The following SUN3 variants were observed in gnomAD, a reference collection of about 807,000 sequenced individuals.
The protein encoded by SUN3 is Sad1 and UNC84 domain containing 3, also known as SUN domain-containing protein 3.
A neutral mutation model predicts 48.2 loss-of-function variants in SUN3; 36 were observed. The observed-to-expected ratio is 0.75, with a 90% CI of 0.57 to 0.99. SUN3 has a LOEUF of 0.99. Among genes scored for constraint, SUN3 ranks in the 50% least tolerant of loss-of-function variants. SUN3 has a pLI of 0.00. For missense variants in SUN3, 419 were observed against 433.1 expected (o/e 0.97, Z 0.29); for synonymous variants, 148 against 147.9 (o/e 1.00, Z 0.00).
At chr7:48,010,156 G>A (rs1001095416) in intron 3 of SUN3, among the ~76,000 whole-genome samples, 1 of 152,028 alleles carries the variant, frequency 6.6e-6, no homozygotes, top group African/African-American at 2.4e-5. Flanking sequence ...ATGCTCATAG[G>A]CACACATGCA....
chr7:48,007,396 T>C, intron 4 of SUN3, 69 bp from the exon 5 acceptor site: 1 of 1,462,860 alleles, frequency 6.8e-7, no homozygotes, highest in Non-Finnish European at 9.4e-7. Context: ...GTTGCTGGGC[T>C]CCACCCGCCA....
chr7:48,017,521 C>T (rs373890099), intron 2 of SUN3, among the ~76,000 whole-genome samples, 156 bp from the exon 3 acceptor site: 2 of 152,202 alleles, frequency 1.3e-5, no homozygotes, highest in East Asian at 1.9e-4. Flanking sequence ...TGGAATAGTA[C>T]ACACAAAAAA....
intron 7 of SUN3, among the ~76,000 whole-genome samples, chr7:47,995,579 G>A (rs1789188510): frequency 1.3e-5 from 2 of 152,266 alleles, no homozygotes; most frequent in African/African-American, 4.8e-5. Context: ...AAGTTTGGTG[G>A]GGATCTTACT....
chr7:48,008,817 C>T (rs992625759), intron 4 of SUN3, among the ~76,000 whole-genome samples: 1 of 152,008 alleles, frequency 6.6e-6, no homozygotes, highest in South Asian at 2.1e-4. Flanking sequence ...TTTTCTATCT[C>T]CTTTTTTTCT....
intron 6 of SUN3, among the ~76,000 whole-genome samples, chr7:48,003,157 C>T (rs1458404993): frequency 5.3e-5 from 8 of 152,238 alleles, no homozygotes; most frequent in African/African-American, 1.9e-4. Flanking sequence ...TATTCCAGCA[C>T]CATTTATTGA....
chr7:47,998,106 A>T (rs1299435815), intron 6 of SUN3, among the ~76,000 whole-genome samples: 1 of 152,242 alleles, frequency 6.6e-6, no homozygotes, highest in Admixed American at 6.5e-5. Context: ...TGGGATTGCT[A>T]GGTCAATAAG....
At chr7:48,015,346 C>T (rs972725570) in intron 3 of SUN3, among the ~76,000 whole-genome samples, 4 of 152,206 alleles carry the variant, frequency 2.6e-5, no homozygotes, top group African/African-American at 9.6e-5. Flanking sequence ...CACAGATTCT[C>T]AGCATATGCA....
In SUN3 at chr7:48,020,280, T is replaced by TA. The variant is rs200299512; in HGVS notation, c.185-2916dup. On this transcript the variant is annotated intron_variant, in intron 2 of 9. Coordinates refer to ENST00000297325, the MANE Select transcript of SUN3 (RefSeq NM_001030019.2). Reference sequence around the variant, plus strand: ...CAACATCTCTCCATGATAAAAACCCTAAAAAAAACTGGGTATAGAAGGAAC... The same window carrying TA: ...CAACATCTCTCCATGATAAAAACCCTAAAAAAAAACTGGGTATAGAAGGAAC... 9.0e-3 allele frequency among the ~76,000 whole-genome samples: 1,372 copies of TA among 151,702 alleles called. 10 individuals are homozygous for TA. Among genetic ancestry groups the TA allele is most frequent in the Non-Finnish European group, 0.016 (1,076 of 67,852 alleles).
rs1428018510 is a variant in SUN3, at chr7:47,993,207, T to C, written c.861+1108A>G. On this transcript the variant is annotated intron_variant, in intron 8 of 9. Coordinates refer to ENST00000297325, the MANE Select transcript of SUN3 (RefSeq NM_001030019.2). ...TGTTCACATAGTCACTGTGAAAACA[T>C]TGAGTATTGCTTGAACAAAAAGATA... 3.3e-5 allele frequency among the ~76,000 whole-genome samples: 5 copies of C among 152,300 alleles called. No homozygotes were observed. The South Asian group carries it at 8.3e-4, about 25-fold the overall frequency.
chr7:48,024,741 T>TGAGAGAGGGAGC, intron 2 of SUN3, among the ~76,000 whole-genome samples: 1 of 152,116 alleles, frequency 6.6e-6, no homozygotes, highest in Admixed American at 6.5e-5. Flanking sequence ...GATCACATGG[T>TGAGAGAGGGAGC]GAGAGAGGGA....
intron 9 of SUN3, among the ~76,000 whole-genome samples, 182 bp downstream of exon 9, chr7:47,988,606 T>C (rs182382125): frequency 4.6e-5 from 7 of 152,360 alleles, no homozygotes; most frequent in African/African-American, 1.7e-4. Flanking sequence ...CTTTTGCATT[T>C]GTCTGTCTTT....
At chr7:48,003,554 C>T (rs1483309444) in intron 6 of SUN3, among the ~76,000 whole-genome samples, 1 of 152,110 alleles carries the variant, frequency 6.6e-6, no homozygotes, top group East Asian at 1.9e-4. Flanking sequence ...AGATGTTTTT[C>T]CATTTGTTTA....
At chr7:47,990,192 T>C (rs1037369819) in intron 8 of SUN3, among the ~76,000 whole-genome samples, 1 of 152,184 alleles carries the variant, frequency 6.6e-6, no homozygotes, top group Non-Finnish European at 1.5e-5. Flanking sequence ...GGCAATGGAA[T>C]GTCTCGGTGT....
chr7:47,991,893 C>A (rs1426601003), intron 8 of SUN3, among the ~76,000 whole-genome samples: 2 of 152,172 alleles, frequency 1.3e-5, no homozygotes, highest in Non-Finnish European at 2.9e-5. Flanking sequence ...CCTCCAGCCC[C>A]GCCTGGCCCA....
chr7:48,023,568 A>C (rs1790059021), intron 2 of SUN3, among the ~76,000 whole-genome samples: 2 of 152,334 alleles, frequency 1.3e-5, no homozygotes, highest in East Asian at 3.9e-4. Context: ...AAATGGCAGA[A>C]GTAAGTCATT....
chr7:48,026,057 G>T, intron 1 of SUN3, 119 bp from the exon 2 acceptor site: 1 of 672,478 alleles, frequency 1.5e-6, no homozygotes, highest in Non-Finnish European at 2.6e-6. Flanking sequence ...GCTTAATCTA[G>T]GTTGAGTCTA....
At chr7:48,002,873 A>G (rs767626394) in intron 6 of SUN3, among the ~76,000 whole-genome samples, 1 of 152,166 alleles carries the variant, frequency 6.6e-6, no homozygotes, top group Non-Finnish European at 1.5e-5. Flanking sequence ...ATATAGGATT[A>G]TGTTGTCTGC....
chr7:47,999,556 T>C (rs1472580010), intron 6 of SUN3, among the ~76,000 whole-genome samples: 2 of 152,240 alleles, frequency 1.3e-5, no homozygotes, highest in African/African-American at 4.8e-5. Context: ...CTTTTGAAAC[T>C]GAGTCTTGCT....
chr7:48,029,837 A>T (rs1790230186), upstream of SUN3, among the ~76,000 whole-genome samples: 2 of 152,036 alleles, frequency 1.3e-5, 1 homozygote, highest in South Asian at 4.1e-4. Context: ...GGCCTTGTGG[A>T]TTGATTGTTG....
Sources: allele counts gnomAD v4.1 joint callset (sites outside exome capture counted in the v4.1 genomes callset), GRCh38; gene constraint gnomAD v4.1.1; transcripts MANE v1.5; gene names NCBI Gene and HGNC (gene_info 2026-07-23, HGNC 2026-07-21).